ZNF304: variants seen among roughly 807,000 people sequenced by gnomAD.
ZNF304 encodes the protein zinc finger protein 304.
In ZNF304, 7 loss-of-function variants were observed where a neutral mutation model predicts 7.8. That is an observed-to-expected ratio of 0.90 (90% CI 0.51 to 1.69). ZNF304 has a LOEUF of 1.69. ZNF304 is among the 40% of genes most tolerant of loss of function. The pLI is 0.00. For missense variants in ZNF304, 669 were observed against 804.8 expected (o/e 0.83, Z 2.04); for synonymous variants, 280 against 272.4 (o/e 1.03, Z -0.27).
Position 57,357,645 on chromosome 19 carries a change from T to C in ZNF304, c.1776T>C (p.Cys592=), listed in dbSNP as rs373532924. ...TGARPYECSE[C]GKFFSRNSGL... ...CAAGACCTTATGAGTGCAGTGAATG[T>C]GGGAAATTCTTTAGCCGCAACTCTG... The change falls in exon 3 of 3, where the codon TGT becomes TGC. Residue 592 remains cysteine, a synonymous_variant. Coordinates refer to ENST00000282286, the MANE Select transcript of ZNF304 (RefSeq NM_020657.4). 1 of 1,614,182 alleles carries C rather than the reference T, an allele frequency of 6.2e-7. No homozygotes were observed. The highest frequency in any genetic ancestry group is 8.5e-7 in the Non-Finnish European group (1 of 1,180,016).
chr19:57,358,095 T>C lies in ZNF304; in HGVS notation c.*246T>C, dbSNP rs1427774039. On this transcript the variant is annotated 3_prime_UTR_variant, in exon 3 of 3. Transcript: ENST00000282286. Reference sequence around the variant, plus strand: ...CTGTCTAGAGCTCTTGATGGAATTATATCACTGCCAGTGCCTGTGGCGGAA... The same window carrying C: ...CTGTCTAGAGCTCTTGATGGAATTACATCACTGCCAGTGCCTGTGGCGGAA... 8.7e-6 allele frequency: 4 copies of C among 460,758 alleles called. No individual in the cohort carries two copies. The highest frequency in any genetic ancestry group is 3.3e-5 in the East Asian group (1 of 30,310). The allele number at this position is 460,758 out of a possible 1,614,324, so 28.5% of individuals were successfully genotyped here.
intron 2 of ZNF304, among the ~76,000 whole-genome samples, chr19:57,354,203 G>T (rs1207928820): frequency 6.6e-6 from 1 of 151,986 alleles, no homozygotes. Context: ...ATAAGGTCTT[G>T]CTACGTTGCC....
At position 57,351,662 on chromosome 19, in the gene ZNF304, C is replaced by G; in HGVS notation, c.-3C>G. 6.2e-7 allele frequency: 1 copy of G among 1,613,526 alleles called. No individual in the cohort carries two copies. The highest frequency in any genetic ancestry group is 8.5e-7 in the Non-Finnish European group (1 of 1,179,858). On this transcript the variant is annotated 5_prime_UTR_variant, in exon 1 of 3. Transcript: ENST00000282286. The surrounding 1 kb of genome is among the most constrained non-coding windows in gnomAD (Gnocchi z 4.1). The stretch of plus-strand genomic sequence containing the variant: ...CAGGGCACAGACTGTTCATCCGCTT[C>G]TCATGGCAGCGGCGGTGCTGATGGA...
Position 57,357,471 on chromosome 19 carries a change from T to C in ZNF304, c.1602T>C (p.Asn534=). 1 of 1,612,614 alleles carries C rather than the reference T, an allele frequency of 6.2e-7. No homozygotes were observed. Among genetic ancestry groups the C allele is most frequent in the Non-Finnish European group, 8.5e-7 (1 of 1,179,652 alleles). The change falls in exon 3 of 3, where the codon AAT becomes AAC. Residue 534 remains asparagine (N), a synonymous_variant. Coordinates refer to ENST00000282286, the MANE Select transcript of ZNF304 (RefSeq NM_020657.4). Reference sequence around the variant, plus strand: ...CTGGAGCAAAGCCTTATGAGTGCAATGAATGTGGGAAATGCTTTAGCCACA... The same window carrying C: ...CTGGAGCAAAGCCTTATGAGTGCAACGAATGTGGGAAATGCTTTAGCCACA... ...IHTGAKPYEC[N]ECGKCFSHNS...
chr19:57,355,134 T>C (rs7249665), intron 2 of ZNF304: 219,158 of 667,108 alleles, frequency 0.33, 37,637 homozygotes, highest in East Asian at 0.45. Flanking sequence ...TTTCAGGGGC[T>C]GACACAGTCA....
chr19:57,352,181 C>T (rs1337354233), intron 1 of ZNF304, among the ~76,000 whole-genome samples: 4 of 152,070 alleles, frequency 2.6e-5, no homozygotes, highest in African/African-American at 7.2e-5. Context: ...AGAGTGGTGG[C>T]AGCAGAGGTT....
chr19:57,355,290 A>G (rs765459256), intron 2 of ZNF304: 2 of 765,200 alleles, frequency 2.6e-6, no homozygotes, highest in Admixed American at 3.4e-5. Flanking sequence ...TCCCAGTCCC[A>G]TGCAGTTGCG....
At position 57,351,622 on chromosome 19, in the gene ZNF304, T is replaced by C; in HGVS notation, c.-43T>C. 6.2e-7 allele frequency: 1 copy of C among 1,611,996 alleles called. No homozygotes were observed. Among genetic ancestry groups the C allele is most frequent in the Non-Finnish European group, 8.5e-7 (1 of 1,179,656 alleles). On this transcript the variant is annotated 5_prime_UTR_variant, in exon 1 of 3. Transcript: ENST00000282286. The surrounding 1 kb of genome is among the most constrained non-coding windows in gnomAD (Gnocchi z 4.1). ...CGTCCAGCGCGGTGGAGGCGTGGGG[T>C]TTCGGCTGAGCCCACAGGGCACAGA...
chr19:57,352,233 G>T (rs862700), intron 1 of ZNF304, among the ~76,000 whole-genome samples: 86,985 of 151,990 alleles, frequency 0.57, 25,535 homozygotes, highest in African/African-American at 0.65. Context: ...ATTTTATAAG[G>T]AAGGCTGACC....
intron 1 of ZNF304, chr19:57,352,569 T>C (rs862701): frequency 0.7 from 106,223 of 152,000 alleles, 37,291 homozygotes; most frequent in Non-Finnish European, 0.73. Flanking sequence ...CGAGGTGTCT[T>C]GAGTGTGGTA....
intron 1 of ZNF304, chr19:57,352,570 G>A (rs549549150): frequency 1.3e-5 from 2 of 152,270 alleles, no homozygotes; most frequent in South Asian, 2.1e-4. Context: ...GAGGTGTCTT[G>A]AGTGTGGTAA....
At chr19:57,354,244 G>A (rs1385588225) in intron 2 of ZNF304, among the ~76,000 whole-genome samples, 1 of 152,128 alleles carries the variant, frequency 6.6e-6, no homozygotes, top group East Asian at 1.9e-4. Flanking sequence ...GACCTCAAGC[G>A]ATCCTTCCTC....
chr19:57,354,704 A>T (rs2122980074), intron 2 of ZNF304, among the ~76,000 whole-genome samples: 1 of 152,320 alleles, frequency 6.6e-6, no homozygotes, highest in Non-Finnish European at 1.5e-5. Flanking sequence ...CAGGGGCAAG[A>T]GTACCAAGAG....
chr19:57,351,864 G>T lies in ZNF304; in HGVS notation c.33+167G>T. 1 of 663,782 alleles carries T rather than the reference G, an allele frequency of 1.5e-6. No homozygotes were observed. 41.1% of individuals were successfully genotyped at this position (663,782 alleles called of 1,614,324 possible). ...GAACGGACTCGAAGGCGCAGGGGCAGTTCGTACAAATGCATGCATGGAGAG... is the reference window on the plus strand; with the variant it reads ...GAACGGACTCGAAGGCGCAGGGGCATTTCGTACAAATGCATGCATGGAGAG... On this transcript the variant is annotated intron_variant, in intron 1 of 2. Transcript: ENST00000282286. The surrounding 1 kb of genome is among the most constrained non-coding windows in gnomAD (Gnocchi z 4.1).
Position 57,351,814 on chromosome 19 carries a change from C to G in ZNF304, c.33+117C>G. ...TCGCATTATGTGGAGGGGTTCCGCT[C>G]CCCTCATCAGTGGCATAAGGTGTGG... On this transcript the variant is annotated intron_variant, in intron 1 of 2. Transcript: ENST00000282286. The surrounding 1 kb of genome is among the most constrained non-coding windows in gnomAD (Gnocchi z 4.1). The G allele has an allele frequency of 8.5e-7, 1 of 1,174,904 alleles. No homozygotes were observed. Among genetic ancestry groups the G allele is most frequent in the Non-Finnish European group, 1.2e-6 (1 of 832,294 alleles). 72.8% of individuals were successfully genotyped at this position (1,174,904 alleles called of 1,614,324 possible). A position where few individuals can be genotyped will look rare whatever the true frequency, so the allele number is the denominator to read the frequency against.
chr19:57,352,262 T>C (rs572268471), intron 1 of ZNF304, among the ~76,000 whole-genome samples: 1 of 152,290 alleles, frequency 6.6e-6, no homozygotes, highest in South Asian at 2.1e-4. Flanking sequence ...TGATGAGACA[T>C]AGTGATGATA....
intron 2 of ZNF304, 152 bp downstream of exon 2, chr19:57,354,003 TTTTTG>T: frequency 1.7e-6 from 1 of 590,886 alleles, no homozygotes; most frequent in Non-Finnish European, 2.8e-6. Context: ...GAGGGTTTTT[TTTTTG>T]TTTTTTGTTT....
chr19:57,359,773 C>T lies in ZNF304; in HGVS notation c.*1924C>T, dbSNP rs862710. 1.3e-5 allele frequency: 2 copies of T among 151,992 alleles called. No homozygotes were observed. Among genetic ancestry groups the T allele is most frequent in the Admixed American group, 1.3e-4 (2 of 15,284 alleles). 9.4% of individuals were successfully genotyped at this position (151,992 alleles called of 1,614,324 possible). ...AATTGTTTGCTCATTTGTATTGCTG[C>T]GTAGTATTTCAGTATTTCATTGTAT... is the stretch of plus-strand genomic sequence containing the variant. On this transcript the variant is annotated 3_prime_UTR_variant, in exon 3 of 3. Transcript: ENST00000282286.
At chr19:57,353,662 T>G (rs2088301565) in intron 1 of ZNF304, 63 bp from the exon 2 acceptor site, 1 of 1,544,276 alleles carries the variant, frequency 6.5e-7, no homozygotes, top group Admixed American at 1.9e-5. Flanking sequence ...GTGTGTAGAC[T>G]GGGGAGGAGG....
Sources: allele counts gnomAD v4.1 joint callset (sites outside exome capture counted in the v4.1 genomes callset), GRCh38; gene constraint gnomAD v4.1.1; non-coding constraint Gnocchi (gnomAD v3.1); transcripts MANE v1.5; gene names NCBI Gene and HGNC (gene_info 2026-07-23, HGNC 2026-07-21).